The following NEK11 variants were observed in gnomAD, a reference collection of about 807,000 sequenced individuals.
NEK11 encodes serine/threonine-protein kinase Nek11.
NEK11 carries 72 observed loss-of-function variants against 80.7 expected under a neutral mutation model. The ratio of observed to expected loss-of-function variants is 0.89; its 90% CI spans 0.74 to 1.08. The LOEUF is 1.08. Among genes scored for constraint, NEK11 ranks in the 50% least tolerant of loss-of-function variants. NEK11 has a pLI of 0.00. For synonymous variants in NEK11, 251 were observed against 260.7 expected (o/e 0.96, Z 0.36); for missense variants, 764 against 763.6 (o/e 1.00, Z -0.01).
At chr3:131,143,070 A>C (rs898867381) in intron 7 of NEK11, among the ~76,000 whole-genome samples, 3 of 152,308 alleles carry the variant, frequency 2.0e-5, no homozygotes, top group Middle Eastern at 3.4e-3. Flanking sequence ...TCAGCTCATC[A>C]GTCACACTAG....
chr3:131,274,975 G>A (rs1247166800), intron 17 of NEK11, among the ~76,000 whole-genome samples: 4 of 150,674 alleles, frequency 2.7e-5, no homozygotes, highest in Admixed American at 6.6e-5. Context: ...TTTAATGATT[G>A]CCATTCTAAC....
chr3:131,285,701 A>G (rs1357577383), intron 17 of NEK11, among the ~76,000 whole-genome samples: 3 of 152,096 alleles, frequency 2.0e-5, no homozygotes, highest in African/African-American at 7.2e-5. Context: ...ACTAATAACT[A>G]TGTCCTCAGG....
intron 14 of NEK11, among the ~76,000 whole-genome samples, chr3:131,206,544 T>G (rs924131305): frequency 1.3e-5 from 2 of 152,256 alleles, no homozygotes; most frequent in Middle Eastern, 6.8e-3. Flanking sequence ...TCAATTAAAA[T>G]GAATACAATA....
intron 4 of NEK11, among the ~76,000 whole-genome samples, chr3:131,097,362 G>C (rs1383395234): frequency 6.6e-6 from 1 of 151,648 alleles, no homozygotes; most frequent in Non-Finnish European, 1.5e-5. Flanking sequence ...CAGTGTAAAA[G>C]TGTTCCTATT....
At position 131,267,738 on chromosome 3, in the gene NEK11, C is replaced by T. The variant is rs952009245; in HGVS notation, c.1622-5740C>T. Among the ~76,000 whole-genome samples the T allele has an allele frequency of 3.3e-5, 5 of 152,188 alleles. No homozygotes were observed. In the South Asian group the frequency reaches 6.3e-4, roughly 19 times the overall value. On this transcript the variant is annotated intron_variant, in intron 16 of 17. Coordinates refer to ENST00000383366, the MANE Select transcript of NEK11 (RefSeq NM_024800.5). Reference sequence around the variant, plus strand: ...TTCATTTCAACCTTGGTGAATCTGACGATTGCGTGTCTCGGGGTTGCTCTT... The same window carrying T: ...TTCATTTCAACCTTGGTGAATCTGATGATTGCGTGTCTCGGGGTTGCTCTT...
chr3:131,049,730 A>G (rs2068033525), intron 3 of NEK11, among the ~76,000 whole-genome samples: 2 of 152,202 alleles, frequency 1.3e-5, no homozygotes, highest in Admixed American at 1.3e-4. Context: ...ATATTGCCTC[A>G]TTTATAACAA....
In NEK11 at chr3:131,209,579, C is replaced by A. The variant is rs2094547661; in HGVS notation, c.1400-18949C>A. ...GGAATGGTACCAGCTCCTCTTTGTA[C>A]CTCTGGTAGAATTTGGCTGTGAATC... On this transcript the variant is annotated intron_variant, in intron 14 of 17. Transcript: ENST00000383366. 3.9e-5 allele frequency among the ~76,000 whole-genome samples: 6 copies of A among 152,068 alleles called. No homozygotes were observed. The South Asian group carries it at 1.2e-3, about 32-fold the overall frequency.
At chr3:131,110,303 T>C (rs761157497) in intron 5 of NEK11, among the ~76,000 whole-genome samples, 1 of 152,130 alleles carries the variant, frequency 6.6e-6, no homozygotes, top group Non-Finnish European at 1.5e-5. Flanking sequence ...CACAAATGAA[T>C]TGTGTGGTCG....
chr3:131,257,354 T>G (rs912692383), intron 16 of NEK11, among the ~76,000 whole-genome samples: 4 of 152,092 alleles, frequency 2.6e-5, no homozygotes, highest in African/African-American at 9.7e-5. Flanking sequence ...CATGGGAGAC[T>G]GGTAAGTTAG....
At chr3:131,231,909 A>G (rs181793100) in intron 15 of NEK11, among the ~76,000 whole-genome samples, 1 of 152,212 alleles carries the variant, frequency 6.6e-6, no homozygotes, top group African/African-American at 2.4e-5. Context: ...CTTCCTTTAG[A>G]TGGAGCCAAA....
intron 3 of NEK11, among the ~76,000 whole-genome samples, chr3:131,060,168 C>CA (rs2070563888): frequency 1.3e-5 from 2 of 152,136 alleles, no homozygotes; most frequent in Admixed American, 6.6e-5. Context: ...TGTTAAAAGA[C>CA]AGATGTATGA....
intron 5 of NEK11, among the ~76,000 whole-genome samples, chr3:131,115,649 A>G (rs1410143944): frequency 1.3e-5 from 2 of 152,212 alleles, no homozygotes; most frequent in African/African-American, 4.8e-5. Context: ...ACTGAAACCC[A>G]TTACTGTTCT....
At chr3:131,103,897 C>T (rs1444327487) in intron 4 of NEK11, among the ~76,000 whole-genome samples, 1 of 152,156 alleles carries the variant, frequency 6.6e-6, no homozygotes, top group Admixed American at 6.5e-5. Flanking sequence ...TTGTTCCTTC[C>T]CCACCTTGGG....
intron 3 of NEK11, among the ~76,000 whole-genome samples, chr3:131,043,172 A>G (rs2066806730): frequency 6.6e-6 from 1 of 152,242 alleles, no homozygotes; most frequent in Admixed American, 6.5e-5. Flanking sequence ...CAGCGCAAAA[A>G]GGCTGAAAAT....
intron 4 of NEK11, among the ~76,000 whole-genome samples, chr3:131,104,940 T>C (rs2078959672): frequency 6.6e-6 from 1 of 152,200 alleles, no homozygotes; most frequent in Non-Finnish European, 1.5e-5. Flanking sequence ...CTCCTCTGGC[T>C]CTGCACCAAT....
At chr3:131,056,931 C>T (rs1212997970) in intron 3 of NEK11, among the ~76,000 whole-genome samples, 2 of 151,672 alleles carry the variant, frequency 1.3e-5, no homozygotes, top group Non-Finnish European at 2.9e-5. Flanking sequence ...TACATGTGCA[C>T]AATGTGCAGG....
At chr3:131,225,943 T>C (rs562266698) in intron 14 of NEK11, among the ~76,000 whole-genome samples, 2 of 152,316 alleles carry the variant, frequency 1.3e-5, no homozygotes, top group African/African-American at 4.8e-5. Flanking sequence ...ATGATATTTC[T>C]TACCATGTCG....
chr3:131,072,422 G>A (rs539076824), intron 3 of NEK11: 3 of 152,290 alleles, frequency 2.0e-5, no homozygotes, highest in South Asian at 2.1e-4. Flanking sequence ...GGAACTAGGG[G>A]AGGATCCTCC....
rs117100183 is a variant in NEK11 at position 131,255,742 on chromosome 3, A to G, written c.1621+12246A>G. ...TGAAAAAAAAGTTGTATGCCATACT[A>G]TGTGTTGGCCTCTGAGAATATTTCA... On this transcript the variant is annotated intron_variant, in intron 16 of 17. Coordinates refer to ENST00000383366, the MANE Select transcript of NEK11 (RefSeq NM_024800.5). Among the ~76,000 whole-genome samples, 76 of 152,296 alleles carry G rather than the reference A, an allele frequency of 5.0e-4. 1 individual carries two copies. In the East Asian group the frequency reaches 0.013, roughly 26 times the overall value.
Sources: allele counts gnomAD v4.1 joint callset (sites outside exome capture counted in the v4.1 genomes callset), GRCh38; gene constraint gnomAD v4.1.1; transcripts MANE v1.5; gene names NCBI Gene and HGNC (gene_info 2026-07-23, HGNC 2026-07-21).